DGAT2: variants seen among roughly 807,000 people sequenced by gnomAD.
DGAT2 encodes the protein diacylglycerol O-acyltransferase 2, also known as acyl-CoA retinol O-fatty-acyltransferase.
DGAT2 carries 33 observed loss-of-function variants against 48.4 expected under a neutral mutation model. The observed-to-expected ratio is 0.68, with a 90% CI of 0.52 to 0.91. DGAT2 has a LOEUF of 0.91. DGAT2 is among the 40% of genes least tolerant of loss of function. DGAT2 has a pLI of 0.00. For missense variants in DGAT2, 446 were observed against 493.7 expected, an observed-to-expected ratio of 0.90 and a Z score of 0.92; for synonymous variants, 191 against 194.1, an observed-to-expected ratio of 0.98 and a Z score of 0.13.
At chr11:75,770,162 T>C (rs143021269) in intron 1 of DGAT2, among the ~76,000 whole-genome samples, 2 of 152,354 alleles carry the variant, frequency 1.3e-5, no homozygotes, top group Non-Finnish European at 2.9e-5. Context: ...GCTGTAGATA[T>C]AGTTATGAAT....
intron 1 of DGAT2, among the ~76,000 whole-genome samples, chr11:75,782,818 A>C (rs1944880852): frequency 6.6e-6 from 1 of 152,214 alleles, no homozygotes. Context: ...TCCTCTAAGC[A>C]GGGTCAGGAA....
intron 1 of DGAT2, among the ~76,000 whole-genome samples, chr11:75,777,506 G>A (rs1288182035): frequency 1.3e-5 from 2 of 152,152 alleles, no homozygotes; most frequent in Non-Finnish European, 2.9e-5. Context: ...TGAAGCTCTT[G>A]GCTATACATT....
chr11:75,780,947 G>A (rs1215135180), intron 1 of DGAT2, among the ~76,000 whole-genome samples: 5 of 152,250 alleles, frequency 3.3e-5, no homozygotes, highest in Non-Finnish European at 7.3e-5. Context: ...CTGAAGAGTG[G>A]CCAGAGCACC....
chr11:75,790,365 G>A (rs1944973856), intron 3 of DGAT2, 70 bp downstream of exon 3: 1 of 1,309,886 alleles, frequency 7.6e-7, no homozygotes, highest in Admixed American at 1.7e-5. Flanking sequence ...AAGCTGAAGG[G>A]CCTCATCCTG....
intron 1 of DGAT2, among the ~76,000 whole-genome samples, chr11:75,777,675 C>T (rs1275813454): frequency 2.0e-5 from 3 of 152,140 alleles, no homozygotes; most frequent in Non-Finnish European, 4.4e-5. Flanking sequence ...TCGGCACTGA[C>T]TCCAGGTTGG....
chr11:75,799,789 A>AT (rs967471224), intron 7 of DGAT2, among the ~76,000 whole-genome samples: 12 of 149,504 alleles, frequency 8.0e-5, no homozygotes, highest in East Asian at 7.8e-4. Flanking sequence ...AATTTTTTGT[A>AT]TTTTTTTTTG....
chr11:75,787,321 C>T (rs992001303), intron 2 of DGAT2, among the ~76,000 whole-genome samples: 1 of 152,196 alleles, frequency 6.6e-6, no homozygotes, highest in African/African-American at 2.4e-5. Context: ...GAAATTAAGG[C>T]TTAGGAATGG....
At chr11:75,771,779 G>A (rs1041828619) in intron 1 of DGAT2, among the ~76,000 whole-genome samples, 9 of 152,102 alleles carry the variant, frequency 5.9e-5, no homozygotes, top group African/African-American at 1.4e-4. Flanking sequence ...TTGGGGCTGC[G>A]TCACCAAGGG....
At chr11:75,797,873 A>G (rs1253362009) in intron 6 of DGAT2, among the ~76,000 whole-genome samples, 4 of 152,122 alleles carry the variant, frequency 2.6e-5, no homozygotes, top group African/African-American at 4.8e-5. Flanking sequence ...CTGTGAAACA[A>G]TGGTGAGTCC....
At chr11:75,786,187 A>G (rs1944920882) in intron 2 of DGAT2, among the ~76,000 whole-genome samples, 1 of 138,302 alleles carries the variant, frequency 7.2e-6, no homozygotes, top group Non-Finnish European at 1.5e-5. Flanking sequence ...TGAGCAAACT[A>G]AACAGTCTCC....
In DGAT2 at chr11:75,800,382, G is replaced by A. The variant is rs1194518645; in HGVS notation, c.1041G>A (p.Leu347=). 5.6e-6 allele frequency: 9 copies of A among 1,613,996 alleles called. No individual in the cohort carries two copies. In the East Asian group the frequency reaches 2.0e-4, roughly 36 times the overall value. ...VVGEPITIPK[L]EHPTQQDIDL... ...GAGAGCCCATCACCATCCCCAAGCTGGAGCACCCAACCCAGCAAGACATCG... is the reference window on the plus strand; with the variant it reads ...GAGAGCCCATCACCATCCCCAAGCTAGAGCACCCAACCCAGCAAGACATCG... The change falls in exon 8 of 8, where the codon CTG becomes CTA. Residue 347 remains leucine (L), a synonymous_variant. Coordinates refer to ENST00000228027, the MANE Select transcript of DGAT2 (RefSeq NM_032564.5).
At position 75,784,676 on chromosome 11, in the gene DGAT2, T is replaced by C; in HGVS notation, c.180T>C (p.Asn60=). The stretch of plus-strand genomic sequence containing the variant: ...ACCTCTTCTCTGTCACCTGGCTCAA[T>C]AGGTCCAAGGTGGAAAAGCAGCTAC... ...LQDLFSVTWL[N]RSKVEKQLQV... Residue 60 remains asparagine (N), a synonymous_variant, in exon 2 of 8, where the codon AAT becomes AAC. Transcript: ENST00000228027. The C allele has an allele frequency of 6.2e-7, 1 of 1,614,050 alleles. No individual in the cohort carries two copies. The highest frequency in any genetic ancestry group is 1.1e-5 in the South Asian group (1 of 91,084).
intron 4 of DGAT2, chr11:75,794,581 T>C (rs1945027383): frequency 6.6e-6 from 1 of 152,246 alleles, no homozygotes; most frequent in African/African-American, 2.4e-5. Context: ...TTTTGGAAGC[T>C]TTTAAAATGT....
intron 2 of DGAT2, among the ~76,000 whole-genome samples, chr11:75,787,510 G>A (rs1190051215): frequency 6.6e-6 from 1 of 152,208 alleles, no homozygotes; most frequent in African/African-American, 2.4e-5. Context: ...CCACCATAAT[G>A]TGCAGGAAGC....
chr11:75,799,789 AT>A (rs967471224), intron 7 of DGAT2, among the ~76,000 whole-genome samples: 11 of 149,384 alleles, frequency 7.4e-5, no homozygotes, highest in Non-Finnish European at 1.2e-4. Context: ...AATTTTTTGT[AT>A]TTTTTTTTGG....
intron 1 of DGAT2, among the ~76,000 whole-genome samples, chr11:75,775,348 C>A (rs577453789): frequency 3.0e-4 from 45 of 152,312 alleles, no homozygotes; most frequent in African/African-American, 1.0e-3. Flanking sequence ...CCACTTCCCA[C>A]CTGGCACACC....
At chr11:75,795,976 T>G in intron 4 of DGAT2, 1 of 225,082 alleles carries the variant, frequency 4.4e-6, no homozygotes. Flanking sequence ...TGGATTTGAG[T>G]TTTAGAATAA....
intron 1 of DGAT2, among the ~76,000 whole-genome samples, chr11:75,779,113 T>C (rs1044657313): frequency 6.6e-6 from 1 of 152,066 alleles, no homozygotes; most frequent in African/African-American, 2.4e-5. Context: ...ATATCAGATA[T>C]TGGGCAAAGA....
At chr11:75,798,984 T>A (rs1415066833) in intron 7 of DGAT2, among the ~76,000 whole-genome samples, 2 of 152,152 alleles carry the variant, frequency 1.3e-5, no homozygotes, top group Non-Finnish European at 2.9e-5. Context: ...CACTTGGCCC[T>A]CGTCTGTGTT....
Sources: gnomAD v4.1 joint callset for allele counts (sites outside exome capture counted in the v4.1 genomes callset) on GRCh38, gnomAD v4.1.1 for gene constraint, MANE v1.5 for transcripts, NCBI Gene and HGNC (gene_info 2026-07-23, HGNC 2026-07-21) for gene names.